The following NKX2-3 variants were observed in gnomAD, a reference collection of about 807,000 sequenced individuals.
NKX2-3 encodes homeobox protein Nkx-2.3.
A neutral mutation model predicts 14.2 loss-of-function variants in NKX2-3; 3 were observed. The ratio of observed to expected loss-of-function variants is 0.21; its 90% CI spans 0.10 to 0.55. The LOEUF (loss-of-function observed/expected upper bound fraction) is 0.55. Among genes scored for constraint, NKX2-3 ranks in the 20% least tolerant of loss-of-function variants. NKX2-3 has a pLI of 0.94. For synonymous variants in NKX2-3, 276 were observed against 234.2 expected (o/e 1.18, Z -1.63); for missense variants, 511 against 514.5 (o/e 0.99, Z 0.06).
At position 99,533,290 on chromosome 10, in the gene NKX2-3, G is replaced by A; in HGVS notation, c.159G>A (p.Thr53=). ...APCMLAAAEG[T]QFSDGGEEDE... ...GCATGCTGGCCGCCGCTGAGGGGAC[G>A]CAATTTTCTGACGGAGGGGAGGAGG... The change falls in exon 1 of 2, where the codon ACG becomes ACA. Residue 53 remains threonine, a synonymous_variant. Coordinates refer to ENST00000344586, the MANE Select transcript of NKX2-3 (RefSeq NM_145285.3). The A allele has an allele frequency of 6.2e-7, 1 of 1,613,882 alleles. No homozygotes were observed. The highest frequency in any genetic ancestry group is 8.5e-7 in the Non-Finnish European group (1 of 1,179,878).
In NKX2-3 at chr10:99,533,492, G is replaced by A; in HGVS notation, c.358+3G>A. ...GGTCGTGAGGGACCGGAGCCAAAGT[G>A]AGTAGAGGGGGAAAGAAAACGCACC... On this transcript the variant is annotated splice_donor_region_variant and intron_variant, in intron 1 of 1. Coordinates refer to ENST00000344586, the MANE Select transcript of NKX2-3 (RefSeq NM_145285.3). 1 of 1,561,726 alleles carries A rather than the reference G, an allele frequency of 6.4e-7. No homozygotes were observed. The highest frequency in any genetic ancestry group is 8.7e-7 in the Non-Finnish European group (1 of 1,151,238).
chr10:99,533,726 G>A lies in NKX2-3; in HGVS notation c.358+237G>A, dbSNP rs114693671. 7.3e-3 allele frequency among the ~76,000 whole-genome samples: 1,116 copies of A among 152,368 alleles called. 17 individuals carry two copies. Among genetic ancestry groups the A allele is most frequent in the African/African-American group, 0.025 (1,053 of 41,592 alleles). On this transcript the variant is annotated intron_variant, in intron 1 of 1. Coordinates refer to ENST00000344586, the MANE Select transcript of NKX2-3 (RefSeq NM_145285.3). ...TACTCCCCCCAAAAGGGGGAAATGA[G>A]GGAAGGGAAGGTGGTTACTGCTGCC...
At position 99,533,093 on chromosome 10, in the gene NKX2-3, CG is replaced by C; in HGVS notation, c.-36del. On this transcript the variant is annotated 5_prime_UTR_variant, in exon 1 of 2. Coordinates refer to ENST00000344586, the MANE Select transcript of NKX2-3 (RefSeq NM_145285.3). The stretch of plus-strand genomic sequence containing the variant: ...CGCCGCGCTGCCTCCCCGCCCCCGC[CG>C]GGATTTATTATTTGGACTGGACAAT... 1 of 1,442,440 alleles carries C rather than the reference CG, an allele frequency of 6.9e-7. No individual in the cohort carries two copies. Among genetic ancestry groups the C allele is most frequent in the Non-Finnish European group, 9.4e-7 (1 of 1,067,332 alleles). The allele number at this position is 1,442,440 out of a possible 1,614,324, so 89.4% of individuals were successfully genotyped here.
At position 99,533,487 on chromosome 10, in the gene NKX2-3, A is replaced by C; in HGVS notation, c.356A>C (p.Gln119Pro). 6.4e-7 allele frequency: 1 copy of C among 1,571,102 alleles called. No homozygotes were observed. Reference sequence around the variant, plus strand: ...CCCGAGGTCGTGAGGGACCGGAGCCAAAGTGAGTAGAGGGGGAAAGAAAAC... The same window carrying C: ...CCCGAGGTCGTGAGGGACCGGAGCCCAAGTGAGTAGAGGGGGAAAGAAAAC... ...EEPEVVRDRS[Q>P]KSCQLKKSLE... Residue 119 changes from glutamine (Q) to proline (P), a missense_variant and splice_region_variant, in exon 1 of 2, where the codon CAA becomes CCA. Coordinates refer to ENST00000344586, the MANE Select transcript of NKX2-3 (RefSeq NM_145285.3).
chr10:99,535,324 G>A lies in NKX2-3; in HGVS notation c.698G>A (p.Arg233Gln), dbSNP rs904049516. The change falls in exon 2 of 2, where the codon CGG becomes CAG. Residue 233 changes from arginine to glutamine, a missense_variant. Around this residue, in one of 3 missense-constraint regions of NKX2-3, gnomAD observed 264 missense variants for 254.7 expected, o/e 1.04. Coordinates refer to ENST00000344586, the MANE Select transcript of NKX2-3 (RefSeq NM_145285.3). ...PRRVAVPVLV[R>Q]DGKPCVTPSA... ...CGCGTGGCTGTCCCGGTGCTGGTGCGGGACGGCAAGCCGTGCGTCACGCCC... is the reference window on the plus strand; with the variant it reads ...CGCGTGGCTGTCCCGGTGCTGGTGCAGGACGGCAAGCCGTGCGTCACGCCC... 3 of 1,547,580 alleles carry A rather than the reference G, an allele frequency of 1.9e-6. No homozygotes were observed. The highest frequency in any genetic ancestry group is 2.6e-6 in the Non-Finnish European group (3 of 1,148,270).
At chr10:99,534,532 G>C (rs2033945249) in intron 1 of NKX2-3, among the ~76,000 whole-genome samples, 1 of 152,206 alleles carries the variant, frequency 6.6e-6, no homozygotes, top group African/African-American at 2.4e-5. Flanking sequence ...GTTACACTCA[G>C]AACAGATTTT....
rs1352532267 is a variant in NKX2-3, at chr10:99,533,507, G to T, written c.358+18G>T. On this transcript the variant is annotated intron_variant, in intron 1 of 1. Transcript: ENST00000344586. ...GAGCCAAAGTGAGTAGAGGGGGAAA[G>T]AAAACGCACCCGCACACCTGGAGCA... 4.6e-6 allele frequency: 7 copies of T among 1,528,698 alleles called. No individual in the cohort carries two copies. The highest frequency in any genetic ancestry group is 2.2e-4 in the Middle Eastern group (1 of 4,600). 94.7% of individuals were successfully genotyped at this position (1,528,698 alleles called of 1,614,324 possible). A position where few individuals can be genotyped will look rare whatever the true frequency, so the allele number is the denominator to read the frequency against.
Position 99,535,916 on chromosome 10 carries a change from G to A in NKX2-3, c.*195G>A. 1 of 654,338 alleles carries A rather than the reference G, an allele frequency of 1.5e-6. No homozygotes were observed. The highest frequency in any genetic ancestry group is 3.3e-5 in the East Asian group (1 of 30,092). 40.5% of individuals were successfully genotyped at this position (654,338 alleles called of 1,614,324 possible). On this transcript the variant is annotated 3_prime_UTR_variant, in exon 2 of 2. Coordinates refer to ENST00000344586, the MANE Select transcript of NKX2-3 (RefSeq NM_145285.3). ...GGGGCGAGGAGGATGACTGGGTCCG[G>A]TCGCCAGGACTGTCTCTGAGGCAGA...
rs775802186 is a variant in NKX2-3, at chr10:99,533,338, A to G, written c.207A>G (p.Lys69=). The part of the protein sequence containing the change: ...GEEDEEDEGE[K]LSYLNSLAAA... The stretch of plus-strand genomic sequence containing the variant: ...AGGACGAGGAAGACGAGGGCGAGAA[A>G]TTGTCCTATTTGAACTCACTAGCCG... Residue 69 remains lysine (K), a synonymous_variant, in exon 1 of 2, where the codon AAA becomes AAG. Transcript: ENST00000344586. 9 of 1,612,618 alleles carry G rather than the reference A, an allele frequency of 5.6e-6. No homozygotes were observed. Among genetic ancestry groups the G allele is most frequent in the Non-Finnish European group, 7.6e-6 (9 of 1,179,570 alleles).
Position 99,536,081 on chromosome 10 carries a change from A to G in NKX2-3, c.*360A>G, listed in dbSNP as rs930575070. On this transcript the variant is annotated 3_prime_UTR_variant, in exon 2 of 2. Coordinates refer to ENST00000344586, the MANE Select transcript of NKX2-3 (RefSeq NM_145285.3). The stretch of plus-strand genomic sequence containing the variant: ...CCTCTGCCTTTCCGCGGCCTCCGCG[A>G]AGCGTTGGCGGGGAGCCCAAGGACA... 7 of 287,778 alleles carry G rather than the reference A, an allele frequency of 2.4e-5. No homozygotes were observed. In the East Asian group the frequency reaches 5.5e-4, roughly 23 times the overall value. 17.8% of individuals were successfully genotyped at this position (287,778 alleles called of 1,614,324 possible). A position where few individuals can be genotyped will look rare whatever the true frequency, so the allele number is the denominator to read the frequency against.
chr10:99,533,094 G>C lies in NKX2-3; in HGVS notation c.-38G>C. On this transcript the variant is annotated 5_prime_UTR_variant, in exon 1 of 2. Transcript: ENST00000344586. ...GCCGCGCTGCCTCCCCGCCCCCGCC[G>C]GGATTTATTATTTGGACTGGACAAT... 1.4e-6 allele frequency: 2 copies of C among 1,449,534 alleles called. No individual in the cohort carries two copies. The highest frequency in any genetic ancestry group is 1.9e-6 in the Non-Finnish European group (2 of 1,073,718). The allele number at this position is 1,449,534 out of a possible 1,614,324, so 89.8% of individuals were successfully genotyped here.
At position 99,535,789 on chromosome 10, in the gene NKX2-3, G is replaced by A. The variant is rs2033963717; in HGVS notation, c.*68G>A. The A allele has an allele frequency of 1.4e-5, 20 of 1,481,310 alleles. No individual in the cohort carries two copies. Among genetic ancestry groups the A allele is most frequent in the Non-Finnish European group, 1.8e-5 (20 of 1,121,442 alleles). 91.8% of individuals were successfully genotyped at this position (1,481,310 alleles called of 1,614,324 possible). A position where few individuals can be genotyped will look rare whatever the true frequency, so the allele number is the denominator to read the frequency against. On this transcript the variant is annotated 3_prime_UTR_variant, in exon 2 of 2. Transcript: ENST00000344586. ...CGCCGCGGGACTGAAGCTCGAGAAG[G>A]GCCTGACCTAAAGGTCAGGTCCCCT... is the stretch of plus-strand genomic sequence containing the variant.
Position 99,533,141 on chromosome 10 carries a change from C to G in NKX2-3, c.10C>G (p.Pro4Ala), listed in dbSNP as rs752134333. The G allele has an allele frequency of 6.4e-7, 1 of 1,554,586 alleles. No individual in the cohort carries two copies. The highest frequency in any genetic ancestry group is 8.7e-7 in the Non-Finnish European group (1 of 1,146,070). The change falls in exon 1 of 2, where the codon CCA becomes GCA. Residue 4 changes from proline (P) to alanine (A), a missense_variant. Pro to Ala is a conservative substitution (Grantham distance 27). Transcript: ENST00000344586. ...CAATTAAGTGGCCCTGATGATGTTA[C>G]CAAGCCCGGTCACCTCCACCCCTTT... Reference protein sequence around the residue: MMLPSPVTSTPFSV... With the variant: MMLASPVTSTPFSV...
In NKX2-3 at chr10:99,535,310, C is replaced by G. The variant is rs1403996631; in HGVS notation, c.684C>G (p.Val228=). The G allele has an allele frequency of 2.5e-6, 4 of 1,574,078 alleles. No homozygotes were observed. The South Asian group carries it at 4.6e-5, about 18-fold the overall frequency. The change falls in exon 2 of 2, where the codon GTC becomes GTG. Residue 228 remains valine (V), a synonymous_variant. Coordinates refer to ENST00000344586, the MANE Select transcript of NKX2-3 (RefSeq NM_145285.3). ...CGCCGCCGCCGCGCCGCGTGGCTGTCCCGGTGCTGGTGCGGGACGGCAAGC... is the reference window on the plus strand; with the variant it reads ...CGCCGCCGCCGCGCCGCGTGGCTGTGCCGGTGCTGGTGCGGGACGGCAAGC... ...APPPPPRRVA[V]PVLVRDGKPC... is the part of the protein sequence containing the mutation.
chr10:99,535,674 G>C lies in NKX2-3; in HGVS notation c.1048G>C (p.Gly350Arg). 8.5e-6 allele frequency: 13 copies of C among 1,536,838 alleles called. No individual in the cohort carries two copies. The highest frequency in any genetic ancestry group is 1.1e-5 in the Non-Finnish European group (13 of 1,145,664). ...AQPLHQGTAAGAACAQGTLQG... is the reference protein window; with the variant it reads ...AQPLHQGTAARAACAQGTLQG... ...GCCGTTGCACCAGGGTACTGCAGCC[G>C]GGGCCGCGTGCGCTCAGGGCACCTT... Residue 350 changes from glycine (G) to arginine (R), a missense_variant, in exon 2 of 2, where the codon GGG becomes CGG. Physicochemically the swap from Gly to Arg is moderately radical, Grantham distance 125 (BLOSUM62 -2). Coordinates refer to ENST00000344586, the MANE Select transcript of NKX2-3 (RefSeq NM_145285.3).
At position 99,535,161 on chromosome 10, in the gene NKX2-3, G is replaced by C; in HGVS notation, c.535G>C (p.Glu179Gln). The change falls in exon 2 of 2, where the codon GAG (glutamate) becomes CAG (glutamine). Residue 179 changes from glutamate to glutamine, a missense_variant. Coordinates refer to ENST00000344586, the MANE Select transcript of NKX2-3 (RefSeq NM_145285.3). ...QQRYLSAPER[E>Q]HLASSLKLTS... ...GCGGTACCTGTCGGCACCCGAGCGC[G>C]AGCACCTCGCCAGCAGCCTGAAGCT... The C allele has an allele frequency of 6.2e-7, 1 of 1,613,324 alleles. No individual in the cohort carries two copies. Among genetic ancestry groups the C allele is most frequent in the South Asian group, 1.1e-5 (1 of 90,962 alleles).
At chr10:99,533,534 T>C (rs1230139631) in intron 1 of NKX2-3, 45 bp downstream of exon 1, 1 of 1,402,244 alleles carries the variant, frequency 7.1e-7, no homozygotes, top group Admixed American at 2.1e-5. Flanking sequence ...CCTGGAGCAA[T>C]GGCAGAGCGC....
Position 99,535,507 on chromosome 10 carries a change from C to G in NKX2-3, c.881C>G (p.Ala294Gly), listed in dbSNP as rs1255458928. Residue 294 changes from alanine (A) to glycine (G), a missense_variant, in exon 2 of 2, where the codon GCG becomes GGG. Transcript: ENST00000344586. ...GCCTACAGCAGCAGCTATGGCTGTG[C>G]GTACCCGGCGGGCGGCGGCGGCGGC... ...AAAYSSSYGC[A>G]YPAGGGGGGG... 1.6e-6 allele frequency: 2 copies of G among 1,233,310 alleles called. No individual in the cohort carries two copies. The highest frequency in any genetic ancestry group is 3.3e-5 in the African/African-American group (2 of 60,906). 76.4% of individuals were successfully genotyped at this position (1,233,310 alleles called of 1,614,324 possible). A position where few individuals can be genotyped will look rare whatever the true frequency, so the allele number is the denominator to read the frequency against.
At chr10:99,534,861 A>C (rs2033948839) in intron 1 of NKX2-3, 124 bp from the exon 2 acceptor site, 10 of 1,243,606 alleles carry the variant, frequency 8.0e-6, no homozygotes, top group East Asian at 7.6e-5. Context: ...AAACGTTCCC[A>C]AAAGTCCAGC....
Sources: gnomAD v4.1 joint callset for allele counts (sites outside exome capture counted in the v4.1 genomes callset) on GRCh38, gnomAD v4.1.1 for gene constraint, gnomAD v4.1.1 regional missense constraint, MANE v1.5 for transcripts, NCBI Gene and HGNC (gene_info 2026-07-23, HGNC 2026-07-21) for gene names.